THSD4: variants seen among roughly 807,000 people sequenced by gnomAD.
THSD4 encodes thrombospondin type 1 domain containing 4, also known as thrombospondin type-1 domain-containing protein 4.
THSD4 carries 69 observed loss-of-function variants against 119.0 expected under a neutral mutation model. That is an observed-to-expected ratio of 0.58 (90% CI 0.48 to 0.71). The LOEUF (loss-of-function observed/expected upper bound fraction) is 0.71. Among genes scored for constraint, THSD4 ranks in the 30% least tolerant of loss-of-function variants. The probability of loss-of-function intolerance (pLI) is 0.00; values close to 1 mark genes in which losing one functional copy is unlikely to be tolerated. For synonymous variants in THSD4, 524 were observed against 540.4 expected (o/e 0.97, Z 0.42); for missense variants, 1,393 against 1,391.1 (o/e 1.00, Z -0.02).
At chr15:71,600,112 T>C (rs2049978473) in intron 7 of THSD4, among the ~76,000 whole-genome samples, 1 of 152,250 alleles carries the variant, frequency 6.6e-6, no homozygotes, top group Non-Finnish European at 1.5e-5. Context: ...CAATTAAGAT[T>C]CTGCAGCATT....
intron 7 of THSD4, among the ~76,000 whole-genome samples, chr15:71,464,381 G>A (rs2047470529): frequency 1.3e-5 from 2 of 152,160 alleles, no homozygotes; most frequent in African/African-American, 4.8e-5. Context: ...TGTATTGCTT[G>A]TTAATTTAGA....
chr15:71,403,331 T>C (rs908450570), intron 6 of THSD4, among the ~76,000 whole-genome samples: 34 of 152,352 alleles, frequency 2.2e-4, no homozygotes, highest in African/African-American at 7.5e-4. Flanking sequence ...TGACTAGATA[T>C]AGAATTCTAA....
intron 7 of THSD4, 126 bp downstream of exon 7, chr15:71,411,949 C>A: frequency 1.6e-6 from 2 of 1,283,406 alleles, no homozygotes; most frequent in Non-Finnish European, 2.1e-6. Context: ...CTCAACCATG[C>A]GCTCTGGGAG....
intron 6 of THSD4, among the ~76,000 whole-genome samples, chr15:71,376,699 A>T (rs2046141286): frequency 6.6e-6 from 1 of 152,228 alleles, no homozygotes; most frequent in African/African-American, 2.4e-5. Context: ...TATCCAAGAA[A>T]GGGATCCCAG....
chr15:71,332,912 T>A (rs2045444225), intron 6 of THSD4, among the ~76,000 whole-genome samples: 1 of 146,104 alleles, frequency 6.8e-6, no homozygotes, highest in South Asian at 2.2e-4. Flanking sequence ...TTTTTTTAGT[T>A]CATCAGCTAT....
chr15:71,770,733 T>G (rs2053808075), intron 16 of THSD4, among the ~76,000 whole-genome samples: 1 of 152,142 alleles, frequency 6.6e-6, no homozygotes, highest in Non-Finnish European at 1.5e-5. Flanking sequence ...GAATAAGAAA[T>G]TATTGTAATT....
chr15:71,302,138 A>G (rs1296397394), intron 6 of THSD4, among the ~76,000 whole-genome samples: 1 of 152,196 alleles, frequency 6.6e-6, no homozygotes, highest in East Asian at 1.9e-4. Flanking sequence ...TGAGCTGCCA[A>G]GTGTCGTTGT....
At chr15:71,570,787 G>A (rs1478273516) in intron 7 of THSD4, among the ~76,000 whole-genome samples, 1 of 152,174 alleles carries the variant, frequency 6.6e-6, no homozygotes, top group Non-Finnish European at 1.5e-5. Flanking sequence ...GAGTGGCAGT[G>A]TCTTCAACTG....
At chr15:71,744,147 C>CTTTTT (rs56158827) in intron 11 of THSD4, among the ~76,000 whole-genome samples, 34 of 102,690 alleles carry the variant, frequency 3.3e-4, no homozygotes, top group Non-Finnish European at 4.9e-4. Flanking sequence ...ATTGAATCAG[C>CTTTTT]TTTTTTTTTT....
chr15:71,411,861 T>C (rs746672112), intron 7 of THSD4, 38 bp downstream of exon 7: 1 of 1,611,302 alleles, frequency 6.2e-7, no homozygotes, highest in Non-Finnish European at 8.5e-7. Flanking sequence ...CTTAAGGTGT[T>C]TGATCTGTGA....
At position 71,365,191 on chromosome 15, in the gene THSD4, AAG is replaced by A. The variant is rs565079449; in HGVS notation, c.1016-46489_1016-46488del. 3.6e-4 allele frequency among the ~76,000 whole-genome samples: 43 copies of A among 117,958 alleles called. 2 individuals are homozygous for A. The South Asian group carries it at 0.012, about 32-fold the overall frequency. 77.4% of individuals were successfully genotyped at this position (117,958 alleles called of 152,430 possible). ...TATGAGAGAGAGAAAGACAGAAAAG[AAG>A]AGAGAGGGCAAGCCAATGACCCATG... is the stretch of plus-strand genomic sequence containing the variant. On this transcript the variant is annotated intron_variant, in intron 6 of 17. Coordinates refer to ENST00000261862, the MANE Select transcript of THSD4 (RefSeq NM_024817.3).
At chr15:71,538,239 C>A (rs372261171) in intron 7 of THSD4, among the ~76,000 whole-genome samples, 22 of 152,042 alleles carry the variant, frequency 1.4e-4, no homozygotes, top group Admixed American at 1.1e-3. Flanking sequence ...TTCATACTTC[C>A]GTTGTTTGCA....
intron 8 of THSD4, among the ~76,000 whole-genome samples, chr15:71,663,160 G>A (rs1017990116): frequency 3.3e-5 from 5 of 152,118 alleles, no homozygotes; most frequent in Non-Finnish European, 5.9e-5. Flanking sequence ...GCTTAGGCAT[G>A]AGGATCACTT....
At chr15:71,519,235 T>C (rs1187371505) in intron 7 of THSD4, among the ~76,000 whole-genome samples, 1 of 152,120 alleles carries the variant, frequency 6.6e-6, no homozygotes, top group Non-Finnish European at 1.5e-5. Flanking sequence ...CCAGTTTTGC[T>C]GTGTAGCCGG....
At chr15:71,478,506 T>C (rs559711599) in intron 7 of THSD4, among the ~76,000 whole-genome samples, 57 of 152,178 alleles carry the variant, frequency 3.7e-4, no homozygotes, top group Admixed American at 1.6e-3. Flanking sequence ...TTTGGTGGAC[T>C]CCACCCAAAA....
intron 6 of THSD4, among the ~76,000 whole-genome samples, chr15:71,295,306 T>C (rs1401706631): frequency 6.6e-6 from 1 of 152,144 alleles, no homozygotes; most frequent in Non-Finnish European, 1.5e-5. Flanking sequence ...AAGGCCAAGT[T>C]TGAACCCAGG....
chr15:71,360,509 T>TA (rs2045880114), intron 6 of THSD4, among the ~76,000 whole-genome samples: 1 of 152,112 alleles, frequency 6.6e-6, no homozygotes, highest in Non-Finnish European at 1.5e-5. Flanking sequence ...TATTTTTGCT[T>TA]AAAAAAATCC....
At chr15:71,629,269 C>G (rs1389311821) in intron 7 of THSD4, among the ~76,000 whole-genome samples, 2 of 152,218 alleles carry the variant, frequency 1.3e-5, no homozygotes, top group African/African-American at 2.4e-5. Flanking sequence ...GGACAACTGA[C>G]AGCCTTCAGG....
intron 6 of THSD4, among the ~76,000 whole-genome samples, chr15:71,277,125 C>CTTTTTTTTT (rs1228077875): frequency 1.2e-5 from 1 of 81,054 alleles, no homozygotes; most frequent in African/African-American, 6.0e-5. Context: ...AATTCTTCTT[C>CTTTTTTTTT]TTCTTTTTTT....
Sources: allele counts gnomAD v4.1 joint callset (sites outside exome capture counted in the v4.1 genomes callset), GRCh38; gene constraint gnomAD v4.1.1; transcripts MANE v1.5; gene names NCBI Gene and HGNC (gene_info 2026-07-23, HGNC 2026-07-21).